Variants in PIBF1 observed in about 807,000 individuals in gnomAD.
PIBF1 encodes progesterone immunomodulatory binding factor 1.
Under a neutral mutation model 112.5 loss-of-function variants are expected in PIBF1, and 90 were observed. The observed-to-expected ratio is 0.80, with a 90% CI of 0.67 to 0.95. The LOEUF is 0.95. Ranked by LOEUF, PIBF1 falls within the 40% of genes least tolerant of loss-of-function variation. The pLI is 0.00. For synonymous variants in PIBF1, 301 were observed against 288.6 expected, an observed-to-expected ratio of 1.04 and a Z score of -0.44; for missense variants, 915 against 852.3, an observed-to-expected ratio of 1.07 and a Z score of -0.92.
chr13:72,981,223 G>A (rs1200476212), intron 16 of PIBF1, among the ~76,000 whole-genome samples: 3 of 151,668 alleles, frequency 2.0e-5, no homozygotes, highest in Non-Finnish European at 4.4e-5. Flanking sequence ...CTGCACTCCA[G>A]CCTGGGTGAC....
chr13:72,978,550 C>A (rs1393820238), intron 16 of PIBF1, among the ~76,000 whole-genome samples: 1 of 152,034 alleles, frequency 6.6e-6, no homozygotes, highest in Non-Finnish European at 1.5e-5. Flanking sequence ...TTCTTTTTTT[C>A]ATAAAATGAA....
chr13:72,815,249 G>A lies in PIBF1; in HGVS notation c.673-6600G>A, dbSNP rs539839693. Among the ~76,000 whole-genome samples, 182 of 152,308 alleles carry A rather than the reference G, an allele frequency of 1.2e-3. 1 individual carries two copies. The highest frequency in any genetic ancestry group is 4.2e-3 in the African/African-American group (174 of 41,564). Reference sequence around the variant, plus strand: ...GAATAATACTTTATGATTAAACAGAGTATATTCCAGCACAGAAAGAATAAT... The same window carrying A: ...GAATAATACTTTATGATTAAACAGAATATATTCCAGCACAGAAAGAATAAT... On this transcript the variant is annotated intron_variant, in intron 5 of 17. Transcript: ENST00000326291.
At position 72,969,656 on chromosome 13, in the gene PIBF1, C is replaced by T. The variant is rs143604559; in HGVS notation, c.1965-3935C>T. ...GATAGATCACAGTTCTGTATACCCA[C>T]ATTCCTTCATCCCTACTCGAAGCAA... On this transcript the variant is annotated intron_variant, in intron 15 of 17. Coordinates refer to ENST00000326291, the MANE Select transcript of PIBF1 (RefSeq NM_006346.4). 1.2e-3 allele frequency: 183 copies of T among 152,270 alleles called. 1 individual carries two copies. The highest frequency in any genetic ancestry group is 4.2e-3 in the African/African-American group (175 of 41,546). The allele number at this position is 152,270 out of a possible 1,614,324, so 9.4% of individuals were successfully genotyped here.
At chr13:72,830,263 T>C (rs1593997846) in intron 8 of PIBF1, among the ~76,000 whole-genome samples, 1 of 152,278 alleles carries the variant, frequency 6.6e-6, no homozygotes, top group Admixed American at 6.5e-5. Context: ...TGAATACTCT[T>C]TATTTCTTTC....
intron 16 of PIBF1, among the ~76,000 whole-genome samples, chr13:72,991,530 A>G (rs2043480302): frequency 6.6e-6 from 1 of 152,112 alleles, no homozygotes; most frequent in Non-Finnish European, 1.5e-5. Context: ...TGTACTGTTA[A>G]CTTTCTGCAA....
intron 11 of PIBF1, among the ~76,000 whole-genome samples, chr13:72,906,804 G>T (rs909137975): frequency 1.3e-5 from 2 of 151,962 alleles, no homozygotes; most frequent in African/African-American, 4.8e-5. Context: ...TCGTGTGGTG[G>T]TTTTGCAGGG....
intron 2 of PIBF1, among the ~76,000 whole-genome samples, chr13:72,784,111 A>C (rs917066685): frequency 6.6e-6 from 1 of 151,280 alleles, no homozygotes; most frequent in Admixed American, 6.6e-5. Flanking sequence ...TGTGAGGTAA[A>C]ACATTTTTTA....
intron 5 of PIBF1, among the ~76,000 whole-genome samples, chr13:72,809,392 C>T (rs2035894485): frequency 6.6e-6 from 1 of 151,658 alleles, no homozygotes; most frequent in Non-Finnish European, 1.5e-5. Flanking sequence ...TCAGTTATTG[C>T]ACTAATTTCA....
chr13:72,856,984 G>C (rs1346802319), intron 10 of PIBF1, among the ~76,000 whole-genome samples: 1 of 152,008 alleles, frequency 6.6e-6, no homozygotes, highest in South Asian at 2.1e-4. Context: ...TTCAATTTTG[G>C]GGTAGTGTAC....
intron 10 of PIBF1, among the ~76,000 whole-genome samples, chr13:72,868,275 T>C (rs2039007371): frequency 6.7e-6 from 1 of 149,388 alleles, no homozygotes; most frequent in Non-Finnish European, 1.5e-5. Context: ...TGCCCCTGCC[T>C]GAGCAACAGA....
chr13:72,886,061 G>A (rs1001086622), intron 10 of PIBF1, among the ~76,000 whole-genome samples: 1 of 152,010 alleles, frequency 6.6e-6, no homozygotes, highest in African/African-American at 2.4e-5. Context: ...CAATATGTAT[G>A]TTAACCATAG....
At chr13:72,790,139 A>G (rs926583624) in intron 2 of PIBF1, among the ~76,000 whole-genome samples, 3 of 152,072 alleles carry the variant, frequency 2.0e-5, no homozygotes, top group African/African-American at 7.2e-5. Flanking sequence ...GCTTTAGACT[A>G]TGTAGTCAGA....
intron 3 of PIBF1, among the ~76,000 whole-genome samples, chr13:72,794,945 G>A (rs2035116937): frequency 6.6e-6 from 1 of 152,030 alleles, no homozygotes; most frequent in African/African-American, 2.4e-5. Flanking sequence ...TACCTCATTG[G>A]TTGAGTGAAT....
intron 9 of PIBF1, among the ~76,000 whole-genome samples, chr13:72,844,626 A>T (rs2037751615): frequency 6.6e-6 from 1 of 151,616 alleles, no homozygotes; most frequent in African/African-American, 2.4e-5. Context: ...GCTGAGAATG[A>T]TGGAGAAACT....
At chr13:72,957,530 G>A (rs2042479867) in intron 14 of PIBF1, among the ~76,000 whole-genome samples, 1 of 152,132 alleles carries the variant, frequency 6.6e-6, no homozygotes, top group South Asian at 2.1e-4. Context: ...TGGGAGCAGG[G>A]TGGAGGATAC....
chr13:72,994,653 T>C (rs1405990773), intron 16 of PIBF1, among the ~76,000 whole-genome samples: 2 of 152,116 alleles, frequency 1.3e-5, no homozygotes, highest in Admixed American at 6.6e-5. Flanking sequence ...GGAGATGAGA[T>C]GCCAAACTCA....
At position 72,869,834 on chromosome 13, in the gene PIBF1, T is replaced by G. The variant is rs1438003573; in HGVS notation, c.1322+15679T>G. On this transcript the variant is annotated intron_variant, in intron 10 of 17. Transcript: ENST00000326291. Reference sequence around the variant, plus strand: ...ACACACACACACATATATATATATCTTTAATGATAGAGACCACTAGAGCAG... The same window carrying G: ...ACACACACACACATATATATATATCGTTAATGATAGAGACCACTAGAGCAG... Among the ~76,000 whole-genome samples the G allele has an allele frequency of 2.0e-5, 3 of 151,960 alleles. No individual in the cohort carries two copies. The East Asian group carries it at 5.8e-4, about 29-fold the overall frequency.
intron 14 of PIBF1, among the ~76,000 whole-genome samples, chr13:72,955,479 C>A (rs1188987898): frequency 6.6e-6 from 1 of 151,826 alleles, no homozygotes; most frequent in Non-Finnish European, 1.5e-5. Context: ...TCTGTTTATA[C>A]GTCAAACAAA....
At position 72,936,548 on chromosome 13, in the gene PIBF1, T is replaced by C. The variant is rs931415829; in HGVS notation, c.1833+5281T>C. On this transcript the variant is annotated intron_variant, in intron 14 of 17. Coordinates refer to ENST00000326291, the MANE Select transcript of PIBF1 (RefSeq NM_006346.4). ...ACTGAGTGGAAGATATAGATTGAAATTGATATGTTTGCATAATTGAAACAC... is the reference window on the plus strand; with the variant it reads ...ACTGAGTGGAAGATATAGATTGAAACTGATATGTTTGCATAATTGAAACAC... Among the ~76,000 whole-genome samples, 6 of 152,352 alleles carry C rather than the reference T, an allele frequency of 3.9e-5. No homozygotes were observed. In the South Asian group the frequency reaches 1.2e-3, roughly 32 times the overall value.
Sources: allele counts gnomAD v4.1 joint callset (sites outside exome capture counted in the v4.1 genomes callset), GRCh38; gene constraint gnomAD v4.1.1; transcripts MANE v1.5; gene names NCBI Gene and HGNC (gene_info 2026-07-23, HGNC 2026-07-21).